The following RAB6A variants were observed in gnomAD, a reference collection of about 807,000 sequenced individuals.
The protein encoded by RAB6A is RAB6A, member RAS oncogene family, also known as ras-related protein Rab-6A.
In RAB6A, 8 loss-of-function variants were observed where a neutral mutation model predicts 32.3. The observed-to-expected ratio is 0.25, with a 90% CI of 0.15 to 0.45. The LOEUF is 0.45. Ranked by LOEUF, RAB6A falls within the 20% of genes least tolerant of loss-of-function variation. The pLI is 1.00. For missense variants in RAB6A, 104 were observed against 249.4 expected (o/e 0.42, Z 3.93); for synonymous variants, 73 against 82.1 (o/e 0.89, Z 0.60).
intron 5 of RAB6A, among the ~76,000 whole-genome samples, chr11:73,709,886 T>C (rs1335207977): frequency 1.4e-5 from 2 of 147,784 alleles, no homozygotes; most frequent in Non-Finnish European, 3.0e-5. Context: ...CATACATATA[T>C]ACATATATAT....
intron 1 of RAB6A, among the ~76,000 whole-genome samples, chr11:73,757,878 G>A (rs1303578372): frequency 6.6e-6 from 1 of 152,182 alleles, no homozygotes; most frequent in Non-Finnish European, 1.5e-5. Context: ...GCTACTATGA[G>A]CCTGGCTCTA....
chr11:73,685,286 C>A (rs944788982), intron 6 of RAB6A, among the ~76,000 whole-genome samples: 2 of 117,244 alleles, frequency 1.7e-5, no homozygotes, highest in East Asian at 2.6e-4. Context: ...TATAGAAAGT[C>A]TTTTTTTTTT....
At chr11:73,730,547 T>C in intron 2 of RAB6A, 1 of 480,374 alleles carries the variant, frequency 2.1e-6, no homozygotes, top group Non-Finnish European at 3.6e-6. Flanking sequence ...ATTGGAGATA[T>C]ATTTCAACAG....
At chr11:73,714,494 T>C (rs1011155282) in intron 5 of RAB6A, among the ~76,000 whole-genome samples, 2 of 150,744 alleles carry the variant, frequency 1.3e-5, no homozygotes, top group Non-Finnish European at 2.9e-5. Flanking sequence ...ACCTCGTCTC[T>C]ACTAAAAATA....
At chr11:73,700,599 AGT>A (rs1555056743) in intron 6 of RAB6A, among the ~76,000 whole-genome samples, 86 of 8,452 alleles carry the variant, frequency 0.01, 11 homozygotes, top group African/African-American at 0.055. Flanking sequence ...AAAAAAAAAA[AGT>A]GTGTGTGTGG....
intron 1 of RAB6A, among the ~76,000 whole-genome samples, chr11:73,735,429 CT>C (rs1469915360): frequency 6.6e-6 from 1 of 152,144 alleles, no homozygotes; most frequent in South Asian, 2.1e-4. Flanking sequence ...GAACATAGTA[CT>C]TGCTAAGGTT....
intron 1 of RAB6A, among the ~76,000 whole-genome samples, chr11:73,742,636 A>AC (rs1245278416): frequency 2.6e-5 from 4 of 151,942 alleles, no homozygotes; most frequent in Non-Finnish European, 5.9e-5. Flanking sequence ...ACACGGAGAA[A>AC]CCCCGTCGCT....
chr11:73,756,814 C>G (rs1946757596), intron 1 of RAB6A, among the ~76,000 whole-genome samples: 1 of 152,088 alleles, frequency 6.6e-6, no homozygotes, highest in Admixed American at 6.6e-5. Flanking sequence ...GCTGGGATTA[C>G]AGGCACACGC....
At chr11:73,753,229 G>A (rs1946694711) in intron 1 of RAB6A, among the ~76,000 whole-genome samples, 1 of 152,156 alleles carries the variant, frequency 6.6e-6, no homozygotes, top group South Asian at 2.1e-4. Context: ...TAGCCTGGGT[G>A]AGACAGCAAG....
At chr11:73,725,483 T>C (rs1946202406) in intron 2 of RAB6A, among the ~76,000 whole-genome samples, 1 of 152,204 alleles carries the variant, frequency 6.6e-6, no homozygotes, top group African/African-American at 2.4e-5. Context: ...GGAGGTTTAA[T>C]GGACTTGCAG....
Position 73,750,030 on chromosome 11 carries a change from A to T in RAB6A, c.70+10536T>A, listed in dbSNP as rs530224402. On this transcript the variant is annotated intron_variant, in intron 1 of 7. Coordinates refer to ENST00000336083, the MANE Select transcript of RAB6A (RefSeq NM_198896.2). ...ATTTTTAACACAAATTTTAAAAAAT[A>T]TTTTTTTTAAATCTGCCTTATAATA... is the stretch of plus-strand genomic sequence containing the variant. 4.7e-4 allele frequency among the ~76,000 whole-genome samples: 71 copies of T among 152,048 alleles called. 1 individual carries two copies. The highest frequency in any genetic ancestry group is 1.6e-3 in the Admixed American group (24 of 15,254).
intron 1 of RAB6A, among the ~76,000 whole-genome samples, chr11:73,736,809 GAAA>G (rs756237159): frequency 9.2e-6 from 1 of 108,770 alleles, no homozygotes. Context: ...AAAAAAAAAA[GAAA>G]AAAAAAAAAA....
At chr11:73,735,280 T>C (rs539047258) in intron 1 of RAB6A, among the ~76,000 whole-genome samples, 78 of 152,352 alleles carry the variant, frequency 5.1e-4, no homozygotes, top group African/African-American at 1.8e-3. Flanking sequence ...ATTCAAATGA[T>C]AGGGCTCAAT....
At chr11:73,760,518 C>A in intron 1 of RAB6A, 48 bp downstream of exon 1, 1 of 1,556,896 alleles carries the variant, frequency 6.4e-7, no homozygotes, top group Non-Finnish European at 8.7e-7. Context: ...GGGGGCGGTG[C>A]GGGGACGCTG....
intron 1 of RAB6A, among the ~76,000 whole-genome samples, chr11:73,731,106 A>G (rs61903173): frequency 2.1e-3 from 4 of 1,870 alleles, no homozygotes; most frequent in Non-Finnish European, 8.4e-3. Flanking sequence ...GGCCAAGTAA[A>G]CACTTACTTG....
chr11:73,759,995 T>C (rs188543755), intron 1 of RAB6A: 69 of 1,278,538 alleles, frequency 5.4e-5, no homozygotes, highest in Admixed American at 5.1e-4. Context: ...CCCAGACTAA[T>C]TTCCCACCCA....
At chr11:73,755,577 G>A (rs1237727008) in intron 1 of RAB6A, among the ~76,000 whole-genome samples, 1 of 152,194 alleles carries the variant, frequency 6.6e-6, no homozygotes, top group Admixed American at 6.5e-5. Flanking sequence ...ATAGGCGTGA[G>A]CCACCGCACC....
chr11:73,722,305 GTATATATATATATATATATA>G (rs1204770272), intron 2 of RAB6A: 1 of 42,368 alleles, frequency 2.4e-5, no homozygotes, highest in African/African-American at 9.9e-5. Flanking sequence ...ATGTGTGTGT[GTATATATATATATATATATA>G]TATATATATA....
In RAB6A at chr11:73,698,849, A is replaced by ATTTTT. The variant is rs555410867; in HGVS notation, c.495+8566_495+8570dup. On this transcript the variant is annotated intron_variant, in intron 6 of 7. Transcript: ENST00000336083. ...GTTCAGCTCAGATACTTTTTTTGCG[A>ATTTTT]TTTTTTTTTTTTTTTTTTTTGAGAT... Among the ~76,000 whole-genome samples the ATTTTT allele has an allele frequency of 5.1e-5, 6 of 118,274 alleles. 1 individual carries two copies. The highest frequency in any genetic ancestry group is 6.6e-5 in the African/African-American group (2 of 30,498). 77.6% of individuals were successfully genotyped at this position (118,274 alleles called of 152,430 possible).
Sources: allele counts gnomAD v4.1 joint callset (sites outside exome capture counted in the v4.1 genomes callset), GRCh38; gene constraint gnomAD v4.1.1; transcripts MANE v1.5; gene names NCBI Gene and HGNC (gene_info 2026-07-23, HGNC 2026-07-21).